Variants in IGBP1 observed in about 807,000 individuals in gnomAD.
IGBP1 encodes immunoglobulin-binding protein 1.
Under a neutral mutation model 25.9 loss-of-function variants are expected in IGBP1, and 2 were observed. That is an observed-to-expected ratio of 0.08 (90% CI 0.03 to 0.24). IGBP1 has a LOEUF of 0.24. Among genes scored for constraint, IGBP1 ranks in the 10% least tolerant of loss-of-function variants. IGBP1 has a pLI of 1.00. For missense variants in IGBP1, 187 were observed against 260.4 expected (o/e 0.72, Z 1.94); for synonymous variants, 96 against 93.4 (o/e 1.03, Z -0.16).
chrX:70,157,076 A>G (rs1303906881), intron 6 of IGBP1, among the ~76,000 whole-genome samples: 2 of 112,504 alleles, frequency 1.8e-5, no homozygotes, highest in African/African-American at 6.5e-5. Flanking sequence ...ACTGTACACA[A>G]TAAATATGTT....
At chrX:70,146,992 C>A (rs1310394039) in intron 4 of IGBP1, among the ~76,000 whole-genome samples, 164 bp downstream of exon 4, 1 of 111,929 alleles carries the variant, frequency 8.9e-6, no homozygotes, top group Non-Finnish European at 1.9e-5. Context: ...ATGTGTTCCC[C>A]AGTGCTTTTT....
intron 3 of IGBP1, among the ~76,000 whole-genome samples, chrX:70,136,428 A>G: frequency 8.9e-6 from 1 of 111,736 alleles, no homozygotes; most frequent in Admixed American, 9.5e-5. Context: ...CTAAGCTATG[A>G]TGTTCAATAA....
chrX:70,149,879 GTACCTTTCAGAGTCACCAACTATAAA>G (rs1214915625), intron 5 of IGBP1, among the ~76,000 whole-genome samples: 1 of 111,368 alleles, frequency 9.0e-6, no homozygotes, highest in Non-Finnish European at 1.9e-5. Flanking sequence ...CTTGTTTTCT[GTACCTTTCAGAGTCACCAACTATAAA>G]TACCCATTCC....
At chrX:70,150,615 G>T (rs1286446210) in intron 6 of IGBP1, among the ~76,000 whole-genome samples, 2 of 111,989 alleles carry the variant, frequency 1.8e-5, no homozygotes, top group African/African-American at 6.5e-5. Flanking sequence ...GGTAATGGCA[G>T]AGTAGGTTGT....
chrX:70,166,193 C>T lies in IGBP1; in HGVS notation c.*212C>T, dbSNP rs911231332. ...AGCAGTCTTGTTTTGGCATCATCCT[C>T]ATCATGTTGTATTCCAGCTTCTTAA... On this transcript the variant is annotated 3_prime_UTR_variant, in exon 7 of 7. Transcript: ENST00000356413. 2.0e-5 allele frequency: 8 copies of T among 405,910 alleles called. No homozygotes were observed. The highest frequency in any genetic ancestry group is 4.4e-5 in the Admixed American group (1 of 22,502). The allele number at this position is 405,910 out of a possible 1,213,427, so 33.5% of individuals were successfully genotyped here.
chrX:70,137,665 A>C (rs2085103243), intron 3 of IGBP1, among the ~76,000 whole-genome samples: 1 of 106,107 alleles, frequency 9.4e-6, no homozygotes, highest in Non-Finnish European at 1.9e-5. Context: ...GGAATTTAAC[A>C]TCCTGTCCTT....
At chrX:70,157,644 G>GA (rs1266735712) in intron 6 of IGBP1, among the ~76,000 whole-genome samples, 1 of 112,259 alleles carries the variant, frequency 8.9e-6, no homozygotes, top group Non-Finnish European at 1.9e-5. Flanking sequence ...TGAATCGTGT[G>GA]AAAAAAGCCA....
chrX:70,165,340 A>T (rs2085291441), intron 6 of IGBP1: 1 of 131,324 alleles, frequency 7.6e-6, no homozygotes, highest in Non-Finnish European at 1.5e-5. Context: ...TGTGATTTTC[A>T]ATTTTATGCA....
In IGBP1 at chrX:70,134,528, A is replaced by G. The variant is rs2085083489; in HGVS notation, c.194A>G (p.Asn65Ser). ...CCTCCTTTTTGCTCTTCCAGCCGAA[A>G]TGAAGATTTGGAAGAGATTGCTTCC... The part of the protein sequence containing the change: ...MLSQLDLFSR[N>S]EDLEEIASTD... Residue 65 changes from asparagine (N) to serine (S), a missense_variant, in exon 3 of 7, where the codon AAT (asparagine) becomes AGT (serine). Asn to Ser is a conservative substitution (Grantham distance 46, BLOSUM62 1). Coordinates refer to ENST00000356413, the MANE Select transcript of IGBP1 (RefSeq NM_001551.3). 2 of 1,210,726 alleles carry G rather than the reference A, an allele frequency of 1.7e-6. No homozygotes were observed. Among genetic ancestry groups the G allele is most frequent in the Non-Finnish European group, 2.2e-6 (2 of 895,089 alleles).
intron 5 of IGBP1, among the ~76,000 whole-genome samples, chrX:70,149,932 T>C (rs1294325175): frequency 9.0e-6 from 1 of 111,148 alleles, no homozygotes; most frequent in Non-Finnish European, 1.9e-5. Flanking sequence ...TCTTCACTGC[T>C]TTGTGGAGCA....
At chrX:70,143,495 C>G (rs752424870) in intron 3 of IGBP1, among the ~76,000 whole-genome samples, 33 of 112,254 alleles carry the variant, frequency 2.9e-4, no homozygotes, top group African/African-American at 9.7e-4. Flanking sequence ...TTGTAGTTGA[C>G]CCATTTGATA....
chrX:70,147,409 T>A (rs2085173652), intron 4 of IGBP1, among the ~76,000 whole-genome samples: 1 of 108,714 alleles, frequency 9.2e-6, no homozygotes, highest in Non-Finnish European at 1.9e-5. Flanking sequence ...GGTGACAGAA[T>A]GAGACTCCAT....
intron 3 of IGBP1, among the ~76,000 whole-genome samples, chrX:70,142,267 G>C (rs1236139047): frequency 2.7e-5 from 3 of 111,666 alleles, no homozygotes; most frequent in African/African-American, 9.8e-5. Context: ...AGAGGTTGAG[G>C]CTGCAGTGAG....
At chrX:70,148,077 A>G (rs1002599262) in intron 4 of IGBP1, among the ~76,000 whole-genome samples, 6 of 110,819 alleles carry the variant, frequency 5.4e-5, no homozygotes, top group Admixed American at 2.9e-4. Flanking sequence ...TTTCTTGTTC[A>G]TTTGTTTGTT....
chrX:70,151,041 A>G (rs1176616439), intron 6 of IGBP1, among the ~76,000 whole-genome samples: 2 of 109,760 alleles, frequency 1.8e-5, no homozygotes, highest in Non-Finnish European at 3.8e-5. Flanking sequence ...GCTCACTGCA[A>G]CCTATGCCTC....
intron 3 of IGBP1, among the ~76,000 whole-genome samples, chrX:70,137,712 G>C (rs1328222490): frequency 2.0e-5 from 2 of 100,238 alleles, no homozygotes; most frequent in Non-Finnish European, 4.0e-5. Context: ...GCAGATAATA[G>C]GTAGTTTAAA....
chrX:70,135,132 C>G (rs1490061611), intron 3 of IGBP1, among the ~76,000 whole-genome samples: 1 of 112,253 alleles, frequency 8.9e-6, no homozygotes, highest in Non-Finnish European at 1.9e-5. Context: ...GTAGATGTCT[C>G]TGAAAGGCAA....
intron 6 of IGBP1, among the ~76,000 whole-genome samples, chrX:70,162,208 G>T (rs1050604731): frequency 9.0e-6 from 1 of 111,640 alleles, no homozygotes; most frequent in African/African-American, 3.3e-5. Flanking sequence ...GTTATTATCA[G>T]TGTGAAGTCA....
Position 70,133,853 on chromosome X carries a change from C to A in IGBP1, c.-95C>A. ...GTGAAGCTACTGGACCAATGAGGTGCTTCTTCCGGTTTTGTCCGCGCTCGC... is the reference window on the plus strand; with the variant it reads ...GTGAAGCTACTGGACCAATGAGGTGATTCTTCCGGTTTTGTCCGCGCTCGC... On this transcript the variant is annotated 5_prime_UTR_variant, in exon 2 of 7. It introduces an in-frame stop codon into an upstream open reading frame of the 5' UTR. Coordinates refer to ENST00000356413, the MANE Select transcript of IGBP1 (RefSeq NM_001551.3). The A allele has an allele frequency of 1.3e-6, 1 of 768,955 alleles. No individual in the cohort carries two copies. The allele number at this position is 768,955 out of a possible 1,213,427, so 63.4% of individuals were successfully genotyped here. A position where few individuals can be genotyped will look rare whatever the true frequency, so the allele number is the denominator to read the frequency against.
Sources: gnomAD v4.1 joint callset for allele counts (sites outside exome capture counted in the v4.1 genomes callset) on GRCh38, gnomAD v4.1.1 for gene constraint, MANE v1.5 for transcripts, NCBI Gene and HGNC (gene_info 2026-07-23, HGNC 2026-07-21) for gene names.